TAMM41: variants seen among roughly 807,000 people sequenced by gnomAD.
TAMM41 encodes the protein phosphatidate cytidylyltransferase, mitochondrial.
Under a neutral mutation model 44.1 loss-of-function variants are expected in TAMM41, and 36 were observed. The observed-to-expected ratio is 0.82, with a 90% CI of 0.63 to 1.08. The LOEUF is 1.08. Among genes scored for constraint, TAMM41 ranks in the 50% least tolerant of loss-of-function variants. The probability of loss-of-function intolerance (pLI) is 0.00; values close to 1 mark genes in which losing one functional copy is unlikely to be tolerated. For synonymous variants in TAMM41, 164 were observed against 153.1 expected, an observed-to-expected ratio of 1.07 and a Z score of -0.53; for missense variants, 417 against 404.3, an observed-to-expected ratio of 1.03 and a Z score of -0.27.
chr3:11,826,398 G>A (rs908082451), intron 4 of TAMM41, among the ~76,000 whole-genome samples: 3 of 151,890 alleles, frequency 2.0e-5, no homozygotes, highest in South Asian at 2.1e-4. Flanking sequence ...CCGTGGTGGC[G>A]TGTGCCTGTG....
intron 7 of TAMM41, among the ~76,000 whole-genome samples, chr3:11,793,131 G>T (rs2124914049): frequency 6.7e-6 from 1 of 148,938 alleles, no homozygotes; most frequent in South Asian, 2.1e-4. Context: ...GACATCACAT[G>T]TATCCAACAA....
the TAMM41 span, among the ~76,000 whole-genome samples, chr3:11,747,032 T>A: frequency 2.6e-5 from 4 of 152,136 alleles, no homozygotes; most frequent in Non-Finnish European, 5.9e-5. Context: ...GGAATAGGGC[T>A]TAGGAGAGAA....
rs769088182 is a variant in TAMM41, at chr3:11,844,213, T to C, written c.136-2A>G. On this transcript the variant is annotated splice_acceptor_variant, in intron 1 of 7. Coordinates refer to ENST00000455809, the MANE Select transcript of TAMM41 (RefSeq NM_001284401.2). LOFTEE classifies it high-confidence loss of function. ...GAACACAAAGTCCAGCATAGCATTCTGTGGAGTGAAGAAAAGAGAATAATT... is the reference window on the plus strand; with the variant it reads ...GAACACAAAGTCCAGCATAGCATTCCGTGGAGTGAAGAAAAGAGAATAATT... 20 of 1,611,722 alleles carry C rather than the reference T, an allele frequency of 1.2e-5. No individual in the cohort carries two copies. The East Asian group carries it at 4.0e-4, about 32-fold the overall frequency.
At chr3:11,738,527 C>T in the TAMM41 span, among the ~76,000 whole-genome samples, 12 of 152,194 alleles carry the variant, frequency 7.9e-5, no homozygotes, top group East Asian at 1.9e-4. Flanking sequence ...ACAGAGACAG[C>T]GCTGGAACCA....
At chr3:11,775,544 G>A in the TAMM41 span, among the ~76,000 whole-genome samples, 47 of 152,296 alleles carry the variant, frequency 3.1e-4, 1 homozygote, top group African/African-American at 1.0e-3. Context: ...ATAAAGTCAC[G>A]CCACTGCACT....
the TAMM41 span, chr3:11,725,066 CCT>C: frequency 6.5e-6 from 1 of 153,772 alleles, no homozygotes; most frequent in Non-Finnish European, 1.4e-5. Context: ...TCTTCCTCTT[CCT>C]CTTTTTCCTC....
chr3:11,760,635 A>C, the TAMM41 span, among the ~76,000 whole-genome samples: 184 of 152,066 alleles, frequency 1.2e-3, no homozygotes, highest in African/African-American at 4.2e-3. Flanking sequence ...ATCTTGGCTC[A>C]CTGCAACCTC....
At chr3:11,826,530 CA>C (rs11388352) in intron 4 of TAMM41, among the ~76,000 whole-genome samples, 690 of 62,190 alleles carry the variant, frequency 0.011, 1 homozygote, top group Non-Finnish European at 0.012. Context: ...CCTTGTCTCT[CA>C]AAAAAAAAAA....
chr3:11,822,567 A>T (rs908314905), intron 4 of TAMM41, among the ~76,000 whole-genome samples: 9 of 152,322 alleles, frequency 5.9e-5, no homozygotes, highest in African/African-American at 1.7e-4. Context: ...TAGACAATGG[A>T]GATCCAGGTT....
chr3:11,804,996 CTTTTTTTTT>C (rs1156555980), intron 7 of TAMM41, among the ~76,000 whole-genome samples: 1 of 103,082 alleles, frequency 9.7e-6, no homozygotes, highest in African/African-American at 4.1e-5. Flanking sequence ...ACGCCCAGCC[CTTTTTTTTT>C]TTTTTTTTTT....
chr3:11,810,727 A>T (rs558893287), intron 5 of TAMM41: 1 of 152,246 alleles, frequency 6.6e-6, no homozygotes, highest in Admixed American at 6.5e-5. Flanking sequence ...ATTAGAATCC[A>T]CTCATTCTAC....
chr3:11,732,468 T>C, the TAMM41 span, among the ~76,000 whole-genome samples: 1 of 152,162 alleles, frequency 6.6e-6, no homozygotes. Flanking sequence ...ACGGAGGTGT[T>C]GGGGAAGAGG....
chr3:11,791,947 T>C (rs2124910166), intron 7 of TAMM41, among the ~76,000 whole-genome samples: 1 of 152,044 alleles, frequency 6.6e-6, no homozygotes, highest in East Asian at 1.9e-4. Flanking sequence ...TAGAAGCTTA[T>C]TATATAAGGT....
chr3:11,760,796 A>G, the TAMM41 span, among the ~76,000 whole-genome samples: 1 of 151,968 alleles, frequency 6.6e-6, no homozygotes, highest in Non-Finnish European at 1.5e-5. Flanking sequence ...CCTGGCCTCA[A>G]GTGATCCACC....
the TAMM41 span, among the ~76,000 whole-genome samples, chr3:11,771,790 C>T: frequency 6.6e-5 from 10 of 151,490 alleles, no homozygotes; most frequent in Admixed American, 3.3e-4. Flanking sequence ...ACCATGTTTG[C>T]CAGGCTGGTA....
intron 3 of TAMM41, among the ~76,000 whole-genome samples, chr3:11,834,736 G>C (rs2079108015): frequency 6.6e-6 from 1 of 152,102 alleles, no homozygotes; most frequent in Non-Finnish European, 1.5e-5. Context: ...ATCCAGCTTG[G>C]AGTGCAGTGG....
chr3:11,772,778 T>A, the TAMM41 span, among the ~76,000 whole-genome samples: 3 of 152,158 alleles, frequency 2.0e-5, no homozygotes, highest in African/African-American at 7.2e-5. Flanking sequence ...TTATTAAGCC[T>A]CCTATTCAGG....
the TAMM41 span, among the ~76,000 whole-genome samples, chr3:11,783,380 G>A: frequency 1.3e-5 from 2 of 151,520 alleles, no homozygotes; most frequent in Non-Finnish European, 1.5e-5. Flanking sequence ...GCTGACCTGG[G>A]GGGTATGACT....
At chr3:11,730,966 C>G in the TAMM41 span, among the ~76,000 whole-genome samples, 1 of 152,118 alleles carries the variant, frequency 6.6e-6, no homozygotes, top group African/African-American at 2.4e-5. Flanking sequence ...GACCTGAGTT[C>G]AAACCTGGGT....
Sources: gnomAD v4.1 joint callset for allele counts (sites outside exome capture counted in the v4.1 genomes callset) on GRCh38, gnomAD v4.1.1 for gene constraint, MANE v1.5 for transcripts, NCBI Gene and HGNC (gene_info 2026-07-23, HGNC 2026-07-21) for gene names.